The following DPYD variants were observed in gnomAD, a reference collection of about 807,000 sequenced individuals.
The protein encoded by DPYD is dihydropyrimidine dehydrogenase.
A neutral mutation model predicts 116.2 loss-of-function variants in DPYD; 109 were observed. The observed-to-expected ratio is 0.94, with a 90% confidence interval of 0.80 to 1.10. DPYD has a LOEUF of 1.10. Ranked by LOEUF, DPYD falls within the 50% of genes least tolerant of loss-of-function variation. DPYD has a pLI of 0.00. For synonymous variants in DPYD, 440 were observed against 432.0 expected (o/e 1.02, Z -0.23); for missense variants, 1,302 against 1,254.5 (o/e 1.04, Z -0.57).
At chr1:97,590,098 A>G (rs1654399573) in intron 10 of DPYD, among the ~76,000 whole-genome samples, 1 of 152,154 alleles carries the variant, frequency 6.6e-6, no homozygotes. Context: ...TTAGCACTGC[A>G]ATATTTTGGC....
chr1:97,378,217 G>A (rs571848929), intron 15 of DPYD, among the ~76,000 whole-genome samples: 1 of 152,252 alleles, frequency 6.6e-6, no homozygotes, highest in African/African-American at 2.4e-5. Context: ...CTCCAGCTGC[G>A]TGTCTATCTC....
chr1:97,448,130 T>C (rs1443017231), intron 14 of DPYD, among the ~76,000 whole-genome samples: 1 of 151,986 alleles, frequency 6.6e-6, no homozygotes, highest in Non-Finnish European at 1.5e-5. Flanking sequence ...GGCAGGAGGA[T>C]CACTTGAACC....
intron 16 of DPYD, among the ~76,000 whole-genome samples, chr1:97,334,920 C>T (rs1428039846): frequency 3.9e-5 from 6 of 152,094 alleles, no homozygotes; most frequent in African/African-American, 1.4e-4. Context: ...AACAAGAGAG[C>T]CCGGTGCATA....
At chr1:97,476,720 T>C (rs901665432) in intron 13 of DPYD, among the ~76,000 whole-genome samples, 1 of 151,982 alleles carries the variant, frequency 6.6e-6, no homozygotes, top group Admixed American at 6.6e-5. Flanking sequence ...TTTAGCATTA[T>C]CGCAACAAAA....
chr1:97,446,126 G>C (rs1676074253), intron 14 of DPYD, among the ~76,000 whole-genome samples: 1 of 152,110 alleles, frequency 6.6e-6, no homozygotes, highest in African/African-American at 2.4e-5. Context: ...AATCACAGTA[G>C]AGTTGCTGCA....
At chr1:97,718,346 T>C (rs1023320982) in intron 5 of DPYD, among the ~76,000 whole-genome samples, 4 of 151,950 alleles carry the variant, frequency 2.6e-5, no homozygotes, top group Admixed American at 2.6e-4. Flanking sequence ...TTTGAGTTTC[T>C]TGTAGATTCT....
chr1:97,639,816 C>T (rs989480751), intron 8 of DPYD, among the ~76,000 whole-genome samples: 30 of 152,204 alleles, frequency 2.0e-4, no homozygotes, highest in African/African-American at 6.7e-4. Flanking sequence ...GGCTTTAATA[C>T]CAATTTTTTT....
At chr1:97,540,981 C>T (rs946538105) in intron 12 of DPYD, among the ~76,000 whole-genome samples, 11 of 152,294 alleles carry the variant, frequency 7.2e-5, no homozygotes, top group Admixed American at 5.9e-4. Flanking sequence ...TTAATTCAGT[C>T]TCTATTTGGT....
chr1:97,290,431 A>C (rs1268680432), intron 18 of DPYD, among the ~76,000 whole-genome samples: 1 of 152,180 alleles, frequency 6.6e-6, no homozygotes, highest in Non-Finnish European at 1.5e-5. Context: ...CCTGACTTCA[A>C]ACTATACTAC....
chr1:97,184,311 TTC>T (rs1657848987), intron 20 of DPYD, among the ~76,000 whole-genome samples: 2 of 152,252 alleles, frequency 1.3e-5, no homozygotes, highest in Admixed American at 6.5e-5. Context: ...AGAATAGCAG[TTC>T]TTTTTTTTGC....
At chr1:97,286,502 T>C (rs1384375191) in intron 18 of DPYD, among the ~76,000 whole-genome samples, 8 of 151,940 alleles carry the variant, frequency 5.3e-5, no homozygotes, top group African/African-American at 1.7e-4. Context: ...CTGGATAATA[T>C]CCTGCAGAGT....
At chr1:97,457,721 C>T (rs777980153) in intron 13 of DPYD, among the ~76,000 whole-genome samples, 4 of 152,056 alleles carry the variant, frequency 2.6e-5, no homozygotes, top group Non-Finnish European at 5.9e-5. Flanking sequence ...GGAAATAAAC[C>T]GGAAATGAGG....
At chr1:97,711,725 T>C (rs925238330) in intron 5 of DPYD, among the ~76,000 whole-genome samples, 1 of 152,026 alleles carries the variant, frequency 6.6e-6, no homozygotes. Flanking sequence ...GTATAAATGT[T>C]TATGAATATT....
chr1:97,256,620 G>A (rs1200907924), intron 18 of DPYD, among the ~76,000 whole-genome samples: 66 of 152,032 alleles, frequency 4.3e-4, no homozygotes, highest in Admixed American at 4.2e-3. Context: ...GTGGAACTGT[G>A]AGTCCATTAA....
intron 22 of DPYD, among the ~76,000 whole-genome samples, chr1:97,081,170 T>C (rs893462765): frequency 6.6e-6 from 1 of 151,920 alleles, no homozygotes; most frequent in Non-Finnish European, 1.5e-5. Flanking sequence ...ATGTCTGTCA[T>C]AAGAATATGC....
At chr1:97,344,845 T>C (rs1457211333) in intron 16 of DPYD, among the ~76,000 whole-genome samples, 2 of 151,916 alleles carry the variant, frequency 1.3e-5, no homozygotes, top group Non-Finnish European at 2.9e-5. Flanking sequence ...GAGAGATTTT[T>C]AGAATTGGCC....
chr1:97,840,500 C>G (rs1214373275), intron 2 of DPYD, among the ~76,000 whole-genome samples: 1 of 151,978 alleles, frequency 6.6e-6, no homozygotes, highest in Non-Finnish European at 1.5e-5. Context: ...CAACAATATT[C>G]CTTATTCTTT....
intron 1 of DPYD, among the ~76,000 whole-genome samples, chr1:97,910,159 T>C (rs1673864113): frequency 6.6e-6 from 1 of 152,136 alleles, no homozygotes; most frequent in Admixed American, 6.5e-5. Flanking sequence ...GCTCATGATA[T>C]TATCTGAAAT....
At chr1:97,168,867 G>A (rs1656512044) in intron 20 of DPYD, among the ~76,000 whole-genome samples, 1 of 141,572 alleles carries the variant, frequency 7.1e-6, no homozygotes, top group African/African-American at 2.7e-5. Context: ...TTTTTTTTGA[G>A]ACAGAGTCTC....
Sources: allele counts gnomAD v4.1 joint callset (sites outside exome capture counted in the v4.1 genomes callset), GRCh38; gene constraint gnomAD v4.1.1; transcripts MANE v1.5; gene names NCBI Gene and HGNC (gene_info 2026-07-23, HGNC 2026-07-21).